MARCHF6: variants seen among roughly 807,000 people sequenced by gnomAD.
The protein encoded by MARCHF6 is membrane associated ring-CH-type finger 6, also known as E3 ubiquitin-protein ligase MARCHF6.
In MARCHF6, 31 loss-of-function variants were observed where a neutral mutation model predicts 133.7. The observed-to-expected ratio is 0.23, with a 90% CI of 0.17 to 0.31. The LOEUF is 0.31. Ranked by LOEUF, MARCHF6 falls within the 10% of genes least tolerant of loss-of-function variation. The pLI, the probability that MARCHF6 is intolerant of heterozygous loss-of-function variation, is 1.00. For synonymous variants in MARCHF6, 395 were observed against 402.5 expected (o/e 0.98, Z 0.22); for missense variants, 723 against 1,121.6 (o/e 0.64, Z 5.08).
At chr5:10,432,567 C>T (rs1740419028) in intron 25 of MARCHF6, among the ~76,000 whole-genome samples, 1 of 152,232 alleles carries the variant, frequency 6.6e-6, no homozygotes, top group Admixed American at 6.5e-5. Flanking sequence ...TAAGGCAGGC[C>T]TTCAGTGAGC....
chr5:10,430,368 C>T (rs184779412), intron 25 of MARCHF6, among the ~76,000 whole-genome samples: 87 of 136,406 alleles, frequency 6.4e-4, no homozygotes, highest in Middle Eastern at 4.3e-3. Flanking sequence ...TGCAGTGGTG[C>T]GAACTTGGCT....
At position 10,377,841 on chromosome 5, in the gene MARCHF6, G is replaced by A. The variant is rs775931082; in HGVS notation, c.63G>A (p.Pro21=). The A allele has an allele frequency of 3.4e-5, 55 of 1,613,400 alleles. No homozygotes were observed. The highest frequency in any genetic ancestry group is 5.0e-5 in the Admixed American group (3 of 59,998). The change falls in exon 2 of 26, where the codon CCG becomes CCA. Residue 21 remains proline (P), a synonymous_variant. Coordinates refer to ENST00000274140, the MANE Select transcript of MARCHF6 (RefSeq NM_005885.4). ...GGTCAGAAGGAACACCTGAGAAACC[G>A]CTTTATCATCCTTGTGTATGTACTG... The part of the protein sequence containing the change: ...VCRSEGTPEK[P]LYHPCVCTGS...
rs1395009694 is a variant in MARCHF6 at position 10,403,673 on chromosome 5, A to C, written c.1332+132A>C. 7.7e-6 allele frequency: 6 copies of C among 779,896 alleles called. No individual in the cohort carries two copies. The African/African-American group carries it at 1.1e-4, about 14-fold the overall frequency. 48.3% of individuals were successfully genotyped at this position (779,896 alleles called of 1,614,324 possible). ...TCTCTACTATTTTATTCTAAGAGGGAATAACTTATAGGGGACTTTGACTTA... is the reference window on the plus strand; with the variant it reads ...TCTCTACTATTTTATTCTAAGAGGGCATAACTTATAGGGGACTTTGACTTA... On this transcript the variant is annotated intron_variant, in intron 15 of 25. Transcript: ENST00000274140.
chr5:10,358,529 C>T (rs1735619329), intron 1 of MARCHF6, among the ~76,000 whole-genome samples: 2 of 151,272 alleles, frequency 1.3e-5, no homozygotes, highest in South Asian at 4.1e-4. Context: ...ATTCCTCAAA[C>T]AATACAGTAT....
chr5:10,411,472 A>G lies in MARCHF6; in HGVS notation c.1831A>G (p.Ile611Val). ...GEGLHAAHQA[I>V]LQQGGPVGFQ... is the part of the protein sequence containing the mutation. ...AGGCCTTCATGCAGCCCACCAAGCC[A>G]TACTCCAGCAGGGAGGGCCTGTTGG... Residue 611 changes from isoleucine to valine, a missense_variant, in exon 19 of 26, where the codon ATA (isoleucine) becomes GTA (valine). Physicochemically the swap from Ile to Val is conservative, Grantham distance 29. Transcript: ENST00000274140. The G allele has an allele frequency of 6.2e-7, 1 of 1,614,244 alleles. No individual in the cohort carries two copies. The highest frequency in any genetic ancestry group is 8.5e-7 in the Non-Finnish European group (1 of 1,180,044).
chr5:10,382,114 G>T (rs1241046614), intron 4 of MARCHF6, among the ~76,000 whole-genome samples, 171 bp downstream of exon 4: 1 of 152,220 alleles, frequency 6.6e-6, no homozygotes, highest in Non-Finnish European at 1.5e-5. Flanking sequence ...CTAAGAATGA[G>T]TTTAACAGGT....
intron 9 of MARCHF6, among the ~76,000 whole-genome samples, chr5:10,395,440 A>C (rs1463015745): frequency 3.3e-5 from 5 of 152,096 alleles, no homozygotes; most frequent in African/African-American, 1.2e-4. Context: ...CCCCAGGCTG[A>C]TGTTAGGTTT....
At chr5:10,378,423 A>G (rs1296872574) in intron 2 of MARCHF6, among the ~76,000 whole-genome samples, 1 of 152,252 alleles carries the variant, frequency 6.6e-6, no homozygotes, top group Non-Finnish European at 1.5e-5. Flanking sequence ...ACCAGGATTC[A>G]GACCTAGCTA....
intron 1 of MARCHF6, among the ~76,000 whole-genome samples, chr5:10,367,303 A>G (rs1452254071): frequency 6.6e-6 from 1 of 152,240 alleles, no homozygotes; most frequent in Non-Finnish European, 1.5e-5. Flanking sequence ...CAATGTATCA[A>G]TATTGGTTAA....
Position 10,407,746 on chromosome 5 carries a change from G to C in MARCHF6, c.1553+544G>C, listed in dbSNP as rs544875179. Among the ~76,000 whole-genome samples, 10 of 152,298 alleles carry C rather than the reference G, an allele frequency of 6.6e-5. No homozygotes were observed. In the East Asian group the frequency reaches 1.9e-3, roughly 29 times the overall value. On this transcript the variant is annotated intron_variant, in intron 17 of 25. Transcript: ENST00000274140. ...AGGCAGGCGGATCACCTGAGATTGG[G>C]AGTTTGAGACCAGCGTGACCAACAT...
At chr5:10,427,280 C>G (rs901553835) in intron 24 of MARCHF6, among the ~76,000 whole-genome samples, 18 of 152,238 alleles carry the variant, frequency 1.2e-4, no homozygotes, top group African/African-American at 4.3e-4. Flanking sequence ...GTTTCCCAGC[C>G]TTGAACCTGC....
intron 1 of MARCHF6, among the ~76,000 whole-genome samples, chr5:10,357,258 T>C (rs982939891): frequency 2.0e-5 from 3 of 151,156 alleles, no homozygotes; most frequent in Non-Finnish European, 4.4e-5. Context: ...AATATTGGAA[T>C]AGATGTTGCA....
intron 10 of MARCHF6, among the ~76,000 whole-genome samples, chr5:10,397,868 G>A (rs1738282692): frequency 6.6e-6 from 1 of 152,194 alleles, no homozygotes; most frequent in African/African-American, 2.4e-5. Context: ...GAGGGCAGCT[G>A]TGAGGATTCT....
Position 10,390,427 on chromosome 5 carries a change from T to C in MARCHF6, c.503T>C (p.Val168Ala), listed in dbSNP as rs1737754245. 6.2e-7 allele frequency: 1 copy of C among 1,613,966 alleles called. No individual in the cohort carries two copies. Among genetic ancestry groups the C allele is most frequent in the Non-Finnish European group, 8.5e-7 (1 of 1,180,014 alleles). ...ISLVWLREQI[V>A]HGGAPIWLEH... ...CTGGTGTGGTTGAGAGAGCAGATAG[T>C]CCATGGGGGAGCACCAATTTGGTTG... Residue 168 changes from valine to alanine, a missense_variant, in exon 6 of 26, where the codon GTC becomes GCC. Val to Ala is a moderately conservative substitution (Grantham distance 64, BLOSUM62 0). This residue lies in a region of MARCHF6 where 91 missense variants were observed against 208.8 expected (regional missense o/e 0.44). Coordinates refer to ENST00000274140, the MANE Select transcript of MARCHF6 (RefSeq NM_005885.4).
chr5:10,403,842 A>G (rs1355683553), intron 15 of MARCHF6, among the ~76,000 whole-genome samples: 1 of 152,148 alleles, frequency 6.6e-6, no homozygotes, highest in Non-Finnish European at 1.5e-5. Context: ...CCATCCTCTA[A>G]TACAGACTCT....
At chr5:10,414,768 C>G (rs892609921) in intron 20 of MARCHF6, among the ~76,000 whole-genome samples, 1 of 152,128 alleles carries the variant, frequency 6.6e-6, no homozygotes, top group South Asian at 2.1e-4. Context: ...TTCTCTCTAG[C>G]CTATTGAGAA....
intron 10 of MARCHF6, among the ~76,000 whole-genome samples, chr5:10,400,540 A>G (rs79103690): frequency 1.3e-5 from 2 of 151,956 alleles, no homozygotes; most frequent in Admixed American, 6.6e-5. Flanking sequence ...TTTGATGCTC[A>G]TATTATCCTC....
intron 25 of MARCHF6, among the ~76,000 whole-genome samples, chr5:10,432,614 A>G (rs1433231133): frequency 6.6e-6 from 1 of 152,150 alleles, no homozygotes; most frequent in Admixed American, 6.5e-5. Flanking sequence ...GGCATTGGAG[A>G]TGTCTGTCTC....
chr5:10,361,774 T>C (rs1010202565), intron 1 of MARCHF6, among the ~76,000 whole-genome samples: 1 of 152,150 alleles, frequency 6.6e-6, no homozygotes, highest in Non-Finnish European at 1.5e-5. Context: ...AATATCTTTT[T>C]TTTTTTGAGA....
Sources: gnomAD v4.1 joint callset for allele counts (sites outside exome capture counted in the v4.1 genomes callset) on GRCh38, gnomAD v4.1.1 for gene constraint, gnomAD v4.1.1 regional missense constraint, MANE v1.5 for transcripts, NCBI Gene and HGNC (gene_info 2026-07-23, HGNC 2026-07-21) for gene names.